The following UBE2D4 variants were observed in gnomAD, a reference collection of about 807,000 sequenced individuals.
UBE2D4 encodes ubiquitin conjugating enzyme E2 D4.
Under a neutral mutation model 23.0 loss-of-function variants are expected in UBE2D4, and 17 were observed. The observed-to-expected ratio is 0.74, with a 90% CI of 0.51 to 1.11. The LOEUF (loss-of-function observed/expected upper bound fraction) is 1.11, where lower values mean the gene tolerates loss of function less well. Ranked by LOEUF, UBE2D4 falls within the 50% of genes least tolerant of loss-of-function variation. UBE2D4 has a pLI of 0.00. For synonymous variants in UBE2D4, 61 were observed against 69.4 expected, an observed-to-expected ratio of 0.88 and a Z score of 0.60; for missense variants, 139 against 181.8, an observed-to-expected ratio of 0.76 and a Z score of 1.35.
At chr7:43,951,110 C>T (rs777129055) in intron 6 of UBE2D4, among the ~76,000 whole-genome samples, 18 of 152,230 alleles carry the variant, frequency 1.2e-4, no homozygotes, top group Non-Finnish European at 1.9e-4. Context: ...GAAGGTGAGG[C>T]TGAGGGCAGT....
Position 43,952,793 on chromosome 7 carries a change from A to G in UBE2D4, c.*98A>G. On this transcript the variant is annotated 3_prime_UTR_variant, in exon 7 of 7. Transcript: ENST00000222402. ...CTGTTGGCTGAGCCATTCAAAGAGCATCATCTGTTCTTCAAACAAATGTTG... is the reference window on the plus strand; with the variant it reads ...CTGTTGGCTGAGCCATTCAAAGAGCGTCATCTGTTCTTCAAACAAATGTTG... The G allele has an allele frequency of 1.0e-6, 1 of 994,980 alleles. No homozygotes were observed. Among genetic ancestry groups the G allele is most frequent in the Non-Finnish European group, 1.6e-6 (1 of 621,874 alleles). 61.6% of individuals were successfully genotyped at this position (994,980 alleles called of 1,614,324 possible). A position where few individuals can be genotyped will look rare whatever the true frequency, so the allele number is the denominator to read the frequency against.
In UBE2D4 at chr7:43,944,273, G is replaced by A. The variant is rs1297313365; in HGVS notation, c.198+1242G>A. The A allele has an allele frequency of 2.6e-5, 4 of 152,172 alleles. No homozygotes were observed. Among genetic ancestry groups the A allele is most frequent in the African/African-American group, 7.2e-5 (3 of 41,440 alleles). 9.4% of individuals were successfully genotyped at this position (152,172 alleles called of 1,614,324 possible). ...GGGTTTCACAATGTTGGCCAAGCTGGTCTCGAACTCCTGGCCTTAGGTGAT... is the reference window on the plus strand; with the variant it reads ...GGGTTTCACAATGTTGGCCAAGCTGATCTCGAACTCCTGGCCTTAGGTGAT... On this transcript the variant is annotated intron_variant, in intron 4 of 6. Transcript: ENST00000222402. This position sits in a 1 kb window ranked among gnomAD's most constrained non-coding sequence, Gnocchi z 4.0.
chr7:43,927,724 G>A (rs1243930565), intron 1 of UBE2D4, among the ~76,000 whole-genome samples: 2 of 152,218 alleles, frequency 1.3e-5, no homozygotes, highest in East Asian at 3.8e-4. Flanking sequence ...TAGAGAATGT[G>A]AGGTCACTTA....
intron 1 of UBE2D4, among the ~76,000 whole-genome samples, chr7:43,927,175 T>A (rs187563732): frequency 5.8e-4 from 88 of 152,364 alleles, no homozygotes; most frequent in African/African-American, 2.0e-3. Context: ...CTTTACTATT[T>A]GTTAACATTT....
chr7:43,936,438 T>C (rs567203270), intron 1 of UBE2D4, among the ~76,000 whole-genome samples: 90 of 152,246 alleles, frequency 5.9e-4, no homozygotes, highest in African/African-American at 1.7e-3. Flanking sequence ...TTGTTACTTG[T>C]AATAGTAATT....
rs997699202 is a variant in UBE2D4 at position 43,944,143 on chromosome 7, G to C, written c.198+1112G>C. 1 of 152,244 alleles carries C rather than the reference G, an allele frequency of 6.6e-6. No individual in the cohort carries two copies. Among genetic ancestry groups the C allele is most frequent in the Non-Finnish European group, 1.5e-5 (1 of 68,114 alleles). The allele number at this position is 152,244 out of a possible 1,614,324, so 9.4% of individuals were successfully genotyped here. A position where few individuals can be genotyped will look rare whatever the true frequency, so the allele number is the denominator to read the frequency against. On this transcript the variant is annotated intron_variant, in intron 4 of 6. Coordinates refer to ENST00000222402, the MANE Select transcript of UBE2D4 (RefSeq NM_015983.4). The surrounding 1 kb of genome is among the most constrained non-coding windows in gnomAD (Gnocchi z 4.0). ...TCACTCTGCTGCCTTGTGGAGAAAAGGCTGGGGTTCAAGTGATTCTCCTGC... is the reference window on the plus strand; with the variant it reads ...TCACTCTGCTGCCTTGTGGAGAAAACGCTGGGGTTCAAGTGATTCTCCTGC...
intron 5 of UBE2D4, among the ~76,000 whole-genome samples, chr7:43,949,383 G>A (rs889070441): frequency 6.6e-6 from 1 of 152,162 alleles, no homozygotes; most frequent in African/African-American, 2.4e-5. Flanking sequence ...AACAGAGCCT[G>A]GCCTAAATTT....
chr7:43,948,031 A>G (rs1267974139), intron 4 of UBE2D4, among the ~76,000 whole-genome samples: 1 of 151,988 alleles, frequency 6.6e-6, no homozygotes, highest in African/African-American at 2.4e-5. Context: ...CCACTTTTTG[A>G]TAGGGTTGTT....
rs138400674 is a variant in UBE2D4, at chr7:43,944,011, C to A, written c.198+980C>A. On this transcript the variant is annotated intron_variant, in intron 4 of 6. Transcript: ENST00000222402. This position sits in a 1 kb window ranked among gnomAD's most constrained non-coding sequence, Gnocchi z 4.0. Reference sequence around the variant, plus strand: ...GGGCGGACAGGTCCCCAGGAAACTGCCCCAGGGGAGTGAGCCTGTGAGGAG... The same window carrying A: ...GGGCGGACAGGTCCCCAGGAAACTGACCCAGGGGAGTGAGCCTGTGAGGAG... The A allele has an allele frequency of 1.7e-4, 22 of 131,944 alleles. 1 individual carries two copies. The highest frequency in any genetic ancestry group is 4.7e-4 in the South Asian group (2 of 4,298). The allele number at this position is 131,944 out of a possible 1,614,324, so 8.2% of individuals were successfully genotyped here. A position where few individuals can be genotyped will look rare whatever the true frequency, so the allele number is the denominator to read the frequency against.
chr7:43,947,969 T>C (rs1176873031), intron 4 of UBE2D4, among the ~76,000 whole-genome samples: 1 of 152,254 alleles, frequency 6.6e-6, no homozygotes, highest in Non-Finnish European at 1.5e-5. Context: ...TTTATGTGTC[T>C]GTTGGCTGCA....
At chr7:43,937,814 G>A (rs148327248) in intron 1 of UBE2D4, among the ~76,000 whole-genome samples, 12 of 152,148 alleles carry the variant, frequency 7.9e-5, no homozygotes, top group Middle Eastern at 3.4e-3. Flanking sequence ...GAATCTAGTC[G>A]TGGTATAATC....
chr7:43,940,856 G>A lies in UBE2D4; in HGVS notation c.89-1970G>A, dbSNP rs753842469. On this transcript the variant is annotated intron_variant, in intron 2 of 6. Transcript: ENST00000222402. ...CAAAATATGTCTACTTTCAACTAAC[G>A]ATTAGCATGAATTGGAATAAAAACA... 54 of 151,240 alleles carry A rather than the reference G, an allele frequency of 3.6e-4. 1 individual carries two copies. The highest frequency in any genetic ancestry group is 2.1e-4 in the South Asian group (1 of 4,774). The allele number at this position is 151,240 out of a possible 1,614,324, so 9.4% of individuals were successfully genotyped here. A position where few individuals can be genotyped will look rare whatever the true frequency, so the allele number is the denominator to read the frequency against.
At position 43,942,535 on chromosome 7, in the gene UBE2D4, C is replaced by T. The variant is rs918800172; in HGVS notation, c.89-291C>T. 33 of 565,474 alleles carry T rather than the reference C, an allele frequency of 5.8e-5. 2 individuals are homozygous for T. The South Asian group carries it at 6.0e-4, about 10-fold the overall frequency. 35.0% of individuals were successfully genotyped at this position (565,474 alleles called of 1,614,324 possible). ...ATGCCAGGAGAGTAACACATCCTGA[C>T]TCCACGGAGAGAGAAGAATAGAAAC... On this transcript the variant is annotated intron_variant, in intron 2 of 6. Transcript: ENST00000222402.
intron 4 of UBE2D4, 190 bp downstream of exon 4, chr7:43,943,221 A>G: frequency 1.6e-6 from 1 of 630,986 alleles, no homozygotes. Flanking sequence ...TGTTGTGATC[A>G]AGGGTCAGTG....
intron 2 of UBE2D4, 149 bp from the exon 3 acceptor site, chr7:43,942,677 G>T: frequency 1.9e-6 from 2 of 1,038,816 alleles, no homozygotes; most frequent in Non-Finnish European, 3.0e-6. Context: ...TGCATCTTGG[G>T]TGGTTTGGGG....
rs2096009766 is a variant in UBE2D4 at position 43,954,595 on chromosome 7, T to C, written c.*1900T>C. The C allele has an allele frequency of 6.6e-6, 1 of 152,230 alleles. No individual in the cohort carries two copies. The highest frequency in any genetic ancestry group is 1.5e-5 in the Non-Finnish European group (1 of 68,058). 9.4% of individuals were successfully genotyped at this position (152,230 alleles called of 1,614,324 possible). On this transcript the variant is annotated 3_prime_UTR_variant, in exon 7 of 7. Coordinates refer to ENST00000222402, the MANE Select transcript of UBE2D4 (RefSeq NM_015983.4). ...GATTGCTGTTTTAATTCTTGTATCT[T>C]CGTTGCTTCTTTGGTCTTTGCTTAA...
intron 4 of UBE2D4, chr7:43,943,236 G>A: frequency 1.6e-6 from 1 of 613,430 alleles, no homozygotes; most frequent in Non-Finnish European, 2.9e-6. Flanking sequence ...TCAGTGGGGT[G>A]AGCTGGTGCT....
chr7:43,942,140 A>C (rs2095974371), intron 2 of UBE2D4: 2 of 153,500 alleles, frequency 1.3e-5, no homozygotes, highest in African/African-American at 4.8e-5. Flanking sequence ...CCATCTCTAC[A>C]AAAATGAAAA....
intron 5 of UBE2D4, chr7:43,948,960 G>A: frequency 1.9e-6 from 1 of 529,358 alleles, no homozygotes; most frequent in Non-Finnish European, 3.4e-6. Context: ...CAATTGCCCT[G>A]GTGTGCTCAA....
Sources: gnomAD v4.1 joint callset for allele counts (sites outside exome capture counted in the v4.1 genomes callset) on GRCh38, gnomAD v4.1.1 for gene constraint, Gnocchi (gnomAD v3.1) non-coding constraint, MANE v1.5 for transcripts, NCBI Gene and HGNC (gene_info 2026-07-23, HGNC 2026-07-21) for gene names.